MC2R: variants seen among roughly 807,000 people sequenced by gnomAD.
MC2R encodes melanocortin 2 receptor, also known as adrenocorticotropic hormone receptor.
A neutral mutation model predicts 9.8 loss-of-function variants in MC2R; 9 were observed. That is an observed-to-expected ratio of 0.92 (90% CI 0.55 to 1.60). MC2R has a LOEUF of 1.60. Ranked by LOEUF, MC2R falls within the 40% of genes most tolerant of loss-of-function variation. MC2R has a pLI of 0.00. For synonymous variants in MC2R, 185 were observed against 154.7 expected (o/e 1.20, Z -1.45); for missense variants, 370 against 389.0 (o/e 0.95, Z 0.41).
intron 1 of MC2R, among the ~76,000 whole-genome samples, chr18:13,889,668 T>C (rs2045302967): frequency 1.3e-5 from 2 of 152,186 alleles, no homozygotes; most frequent in African/African-American, 4.8e-5. Flanking sequence ...GAGATTTTTA[T>C]ATTGATCATC....
chr18:13,889,150 G>T (rs2045297786), intron 1 of MC2R, among the ~76,000 whole-genome samples: 1 of 152,186 alleles, frequency 6.6e-6, no homozygotes, highest in Non-Finnish European at 1.5e-5. Flanking sequence ...CCAAGGCACT[G>T]GGGATTACAG....
Position 13,883,625 on chromosome 18 carries a change from A to ACT in MC2R, c.*999_*1000insAG, listed in dbSNP as rs2045250660. 4 of 42,414 alleles carry ACT rather than the reference A, an allele frequency of 9.4e-5. No homozygotes were observed. The highest frequency in any genetic ancestry group is 1.4e-4 in the African/African-American group (2 of 13,976). The allele number at this position is 42,414 out of a possible 1,614,324, so 2.6% of individuals were successfully genotyped here. On this transcript the variant is annotated 3_prime_UTR_variant, in exon 2 of 2. Transcript: ENST00000327606. ...CACACACACACACACACACACACAC[A>ACT]CACTCTCTCTCTCTCTCTCTCTCTC...
At chr18:13,905,269 A>G (rs1463734137) in intron 1 of MC2R, among the ~76,000 whole-genome samples, 2 of 152,180 alleles carry the variant, frequency 1.3e-5, no homozygotes, top group Non-Finnish European at 2.9e-5. Context: ...GCGGCCAACA[A>G]ACAAATGAAA....
At chr18:13,907,777 A>C (rs2045421924) in intron 1 of MC2R, among the ~76,000 whole-genome samples, 1 of 152,190 alleles carries the variant, frequency 6.6e-6, no homozygotes, top group African/African-American at 2.4e-5. Context: ...GTATATGAAA[A>C]ATTTCAAAGC....
At chr18:13,892,500 G>A (rs1212394271) in intron 1 of MC2R, among the ~76,000 whole-genome samples, 1 of 152,184 alleles carries the variant, frequency 6.6e-6, no homozygotes, top group African/African-American at 2.4e-5. Context: ...GAGCATGGGT[G>A]GCGGATGAGC....
chr18:13,884,673 C>A lies in MC2R; in HGVS notation c.846G>T (p.Glu282Asp). 1 of 1,614,028 alleles carries A rather than the reference C, an allele frequency of 6.2e-7. No individual in the cohort carries two copies. The highest frequency in any genetic ancestry group is 8.5e-7 in the Non-Finnish European group (1 of 1,180,044). Residue 282 changes from glutamate (E) to aspartate (D), a missense_variant, in exon 2 of 2, where the codon GAG becomes GAT. By Grantham distance (45) the Glu-to-Asp change is conservative (BLOSUM62 2). Transcript: ENST00000327606. ...DPFIYAFRSP[E>D]LRDAFKKMIF... is the part of the protein sequence containing the mutation. ...TCATCTTTTTGAATGCGTCCCTGAG[C>A]TCTGGGCTCCGGAAGGCATATATGA...
intron 1 of MC2R, among the ~76,000 whole-genome samples, chr18:13,915,118 A>T (rs2045468740): frequency 6.6e-6 from 1 of 152,164 alleles, no homozygotes; most frequent in Non-Finnish European, 1.5e-5. Flanking sequence ...AGACAAGCTG[A>T]TCAGGTGAAG....
At chr18:13,902,914 T>G (rs1598466725) in intron 1 of MC2R, among the ~76,000 whole-genome samples, 1 of 152,118 alleles carries the variant, frequency 6.6e-6, no homozygotes, top group Non-Finnish European at 1.5e-5. Context: ...GCCCATAGAA[T>G]GAGAGAAAAT....
At position 13,906,094 on chromosome 18, in the gene MC2R, T is replaced by A. The variant is rs577941001; in HGVS notation, c.-129+9394A>T. On this transcript the variant is annotated intron_variant, in intron 1 of 1. Coordinates refer to ENST00000327606, the MANE Select transcript of MC2R (RefSeq NM_000529.2). The stretch of plus-strand genomic sequence containing the variant: ...TCTCAAAAAAGAAAAAAGAAAAAAA[T>A]ATATAAATCATTCTACTATAAAGAC... 9.2e-5 allele frequency among the ~76,000 whole-genome samples: 14 copies of A among 151,916 alleles called. No individual in the cohort carries two copies. In the South Asian group the frequency reaches 2.7e-3, roughly 29 times the overall value.
chr18:13,902,573 C>T (rs2149141164), intron 1 of MC2R, among the ~76,000 whole-genome samples: 1 of 152,166 alleles, frequency 6.6e-6, no homozygotes, highest in African/African-American at 2.4e-5. Flanking sequence ...ACAAAGGTGC[C>T]AAGAACATGC....
In MC2R at chr18:13,884,494, T is replaced by G. The variant is rs1020247178; in HGVS notation, c.*131A>C. The G allele has an allele frequency of 1.6e-5, 16 of 990,316 alleles. No individual in the cohort carries two copies. In the Middle Eastern group the frequency reaches 1.5e-3, roughly 93 times the overall value. 61.3% of individuals were successfully genotyped at this position (990,316 alleles called of 1,614,324 possible). The stretch of plus-strand genomic sequence containing the variant: ...GAACCTAGCTATTAGAAACACTAGC[T>G]GGTGGGATCATCCTTGCATCCATTA... On this transcript the variant is annotated 3_prime_UTR_variant, in exon 2 of 2. Transcript: ENST00000327606.
At chr18:13,887,961 T>G (rs1360483173) in intron 1 of MC2R, among the ~76,000 whole-genome samples, 2 of 152,212 alleles carry the variant, frequency 1.3e-5, no homozygotes, top group African/African-American at 4.8e-5. Flanking sequence ...CTCTTCAGAA[T>G]CCTGGTTAAT....
In MC2R at chr18:13,884,878, T is replaced by C; in HGVS notation, c.641A>G (p.Asn214Ser). ...GGTCAGTGTGATGGCCCCTTTCATG[T>C]TGGCTCTGGGGAGGGTGGAGATCTT... The part of the protein sequence containing the change: ...TRKISTLPRA[N>S]MKGAITLTIL... The change falls in exon 2 of 2, where the codon AAC becomes AGC. Residue 214 changes from asparagine (N) to serine (S), a missense_variant. Asn to Ser is a conservative substitution (Grantham distance 46). Transcript: ENST00000327606. 1 of 1,614,022 alleles carries C rather than the reference T, an allele frequency of 6.2e-7. No individual in the cohort carries two copies. The highest frequency in any genetic ancestry group is 1.3e-5 in the African/African-American group (1 of 75,002).
At chr18:13,912,123 T>C (rs559574738) in intron 1 of MC2R, among the ~76,000 whole-genome samples, 2 of 152,350 alleles carry the variant, frequency 1.3e-5, no homozygotes, top group Non-Finnish European at 2.9e-5. Context: ...AAACAGCAGA[T>C]TCCAGGATAC....
intron 1 of MC2R, among the ~76,000 whole-genome samples, chr18:13,897,772 C>CCAGA (rs2045355122): frequency 3.3e-5 from 5 of 152,030 alleles, no homozygotes; most frequent in Admixed American, 2.0e-4. Flanking sequence ...ACACCCTGGG[C>CCAGA]CAGAAGGGAA....
At chr18:13,914,930 A>G (rs1453956568) in intron 1 of MC2R, among the ~76,000 whole-genome samples, 1 of 152,208 alleles carries the variant, frequency 6.6e-6, no homozygotes, top group Non-Finnish European at 1.5e-5. Flanking sequence ...CTGCCTAGGA[A>G]GGTGGAGGCT....
intron 1 of MC2R, among the ~76,000 whole-genome samples, chr18:13,896,877 C>T (rs2045348826): frequency 6.6e-6 from 1 of 152,166 alleles, no homozygotes; most frequent in Non-Finnish European, 1.5e-5. Context: ...TAAATATACT[C>T]CGCAAGTCCA....
At chr18:13,886,679 G>A (rs1416959694) in intron 1 of MC2R, among the ~76,000 whole-genome samples, 4 of 152,194 alleles carry the variant, frequency 2.6e-5, no homozygotes, top group Admixed American at 2.6e-4. Flanking sequence ...GAGCTCCTGG[G>A]ACTGGCATTT....
chr18:13,913,645 G>T (rs1032239659), intron 1 of MC2R, among the ~76,000 whole-genome samples: 11 of 152,162 alleles, frequency 7.2e-5, no homozygotes, highest in African/African-American at 2.2e-4. Context: ...CTGCACCAGC[G>T]CTTGCCTGTC....
Sources: allele counts gnomAD v4.1 joint callset (sites outside exome capture counted in the v4.1 genomes callset), GRCh38; gene constraint gnomAD v4.1.1; transcripts MANE v1.5; gene names NCBI Gene and HGNC (gene_info 2026-07-23, HGNC 2026-07-21).